Variants in ZYG11B observed in about 807,000 individuals in gnomAD.
The protein encoded by ZYG11B is protein zyg-11 homolog B.
Under a neutral mutation model 82.4 loss-of-function variants are expected in ZYG11B, and 36 were observed. The ratio of observed to expected loss-of-function variants is 0.44; its 90% confidence interval spans 0.33 to 0.58. The LOEUF (loss-of-function observed/expected upper bound fraction) is 0.58, where lower values mean the gene tolerates loss of function less well. ZYG11B is among the 20% of genes least tolerant of loss of function. The pLI, the probability that ZYG11B is intolerant of heterozygous loss-of-function variation, is 0.02. For missense variants in ZYG11B, 552 were observed against 895.6 expected (o/e 0.62, Z 4.90); for synonymous variants, 303 against 312.8 (o/e 0.97, Z 0.33).
intron 1 of ZYG11B, among the ~76,000 whole-genome samples, chr1:52,752,855 T>TC (rs1411627623): frequency 6.6e-6 from 1 of 151,682 alleles, no homozygotes; most frequent in Non-Finnish European, 1.5e-5. Context: ...ATTTTTTTTT[T>TC]CTTGGGGTGG....
chr1:52,764,731 AAG>A (rs1174818542), intron 2 of ZYG11B, among the ~76,000 whole-genome samples: 1 of 152,142 alleles, frequency 6.6e-6, no homozygotes, highest in African/African-American at 2.4e-5. Flanking sequence ...CTGAGGGAAA[AAG>A]AACACTGTTC....
chr1:52,727,686 A>G (rs1412749017), intron 1 of ZYG11B, among the ~76,000 whole-genome samples: 1 of 152,174 alleles, frequency 6.6e-6, no homozygotes, highest in Non-Finnish European at 1.5e-5. Context: ...AACCTTCTAA[A>G]GAGTTCATTT....
intron 6 of ZYG11B, among the ~76,000 whole-genome samples, chr1:52,791,432 GA>G (rs1235943312): frequency 6.6e-6 from 1 of 151,350 alleles, no homozygotes; most frequent in Non-Finnish European, 1.5e-5. Flanking sequence ...GCAATGGCGT[GA>G]TCTCGGCTCA....
intron 2 of ZYG11B, among the ~76,000 whole-genome samples, chr1:52,766,776 A>T (rs1407492928): frequency 6.6e-6 from 1 of 152,184 alleles, no homozygotes; most frequent in African/African-American, 2.4e-5. Context: ...TGGGAGGCCG[A>T]GGCGGGCGGA....
At chr1:52,757,260 A>G (rs879375654) in intron 2 of ZYG11B, among the ~76,000 whole-genome samples, 3 of 151,720 alleles carry the variant, frequency 2.0e-5, no homozygotes, top group Non-Finnish European at 4.4e-5. Context: ...CAATCTTCCA[A>G]CCTTGGCCTC....
At chr1:52,737,627 G>A (rs894426941) in intron 1 of ZYG11B, among the ~76,000 whole-genome samples, 4 of 152,142 alleles carry the variant, frequency 2.6e-5, no homozygotes, top group Admixed American at 1.3e-4. Context: ...TCAGCTGTGC[G>A]TGGTGGCATG....
chr1:52,808,498 C>T (rs1645159528), intron 10 of ZYG11B, among the ~76,000 whole-genome samples: 1 of 152,120 alleles, frequency 6.6e-6, no homozygotes, highest in African/African-American at 2.4e-5. Flanking sequence ...CTATAGTTTT[C>T]ATCAAGTTTG....
intron 1 of ZYG11B, among the ~76,000 whole-genome samples, chr1:52,732,868 G>A (rs1030350091): frequency 6.6e-6 from 1 of 152,080 alleles, no homozygotes; most frequent in Admixed American, 6.6e-5. Flanking sequence ...CAGCTACTCC[G>A]GAGGCTGAGG....
At chr1:52,795,661 A>C (rs955551912) in intron 6 of ZYG11B, among the ~76,000 whole-genome samples, 5 of 152,074 alleles carry the variant, frequency 3.3e-5, no homozygotes, top group African/African-American at 1.2e-4. Flanking sequence ...CAAAAGTTTC[A>C]ATGAGGCCTT....
chr1:52,793,232 G>A (rs1040779420), intron 6 of ZYG11B, among the ~76,000 whole-genome samples: 2 of 152,186 alleles, frequency 1.3e-5, no homozygotes, highest in Middle Eastern at 3.4e-3. Context: ...TAGGCCAGGC[G>A]CAGTGGCTCA....
intron 1 of ZYG11B, among the ~76,000 whole-genome samples, chr1:52,749,802 C>G (rs1384591894): frequency 4.6e-5 from 7 of 152,190 alleles, no homozygotes; most frequent in Non-Finnish European, 1.0e-4. Context: ...ATCCGCCTGC[C>G]TCAGCCTCCC....
intron 6 of ZYG11B, among the ~76,000 whole-genome samples, chr1:52,794,683 A>G (rs898721433): frequency 6.6e-6 from 1 of 152,118 alleles, no homozygotes; most frequent in African/African-American, 2.4e-5. Context: ...AACCACCTCA[A>G]AGGCAGTGAT....
chr1:52,726,467 G>A lies in ZYG11B; in HGVS notation c.-187G>A, dbSNP rs1571732429. ...CTCGCGGGGGCGGAGTCTGCGCTCT[G>A]GTTCGGGCTGCGGCTGCGGCTGCGG... On this transcript the variant is annotated 5_prime_UTR_variant, in exon 1 of 14. Coordinates refer to ENST00000294353, the MANE Select transcript of ZYG11B (RefSeq NM_024646.3). 1.8e-5 allele frequency: 9 copies of A among 511,592 alleles called. No individual in the cohort carries two copies. The East Asian group carries it at 3.0e-4, about 17-fold the overall frequency. 31.7% of individuals were successfully genotyped at this position (511,592 alleles called of 1,614,324 possible).
intron 1 of ZYG11B, among the ~76,000 whole-genome samples, chr1:52,750,383 C>A (rs1644510936): frequency 6.6e-6 from 1 of 152,038 alleles, no homozygotes; most frequent in Admixed American, 6.6e-5. Flanking sequence ...AGTGATTCTC[C>A]TGCCTCAGCC....
chr1:52,813,726 A>G lies in ZYG11B; in HGVS notation c.1886A>G (p.Asp629Gly), dbSNP rs1406587039. 1.2e-6 allele frequency: 2 copies of G among 1,614,028 alleles called. No homozygotes were observed. Among genetic ancestry groups the G allele is most frequent in the African/African-American group, 1.3e-5 (1 of 74,936 alleles). ...LSRSQRNSLL[D>G]DLHSAILKWP... ...CGTAGCCAGAGGAATTCTCTGCTGG[A>G]TGATTTGGTAGGGTCATTCCATACC... is the stretch of plus-strand genomic sequence containing the variant. Residue 629 changes from aspartate to glycine, a missense_variant, in exon 11 of 14, where the codon GAT (aspartate) becomes GGT (glycine). Physicochemically the swap from Asp to Gly is moderately conservative, Grantham distance 94. Around this residue, in one of 3 missense-constraint regions of ZYG11B, gnomAD observed 127 missense variants for 163.4 expected, o/e 0.78. Transcript: ENST00000294353.
At chr1:52,798,007 C>T (rs1269489111) in intron 8 of ZYG11B, among the ~76,000 whole-genome samples, 3 of 151,798 alleles carry the variant, frequency 2.0e-5, no homozygotes, top group Non-Finnish European at 4.4e-5. Context: ...CCCGTGGTTC[C>T]AACTACTCAA....
intron 13 of ZYG11B, among the ~76,000 whole-genome samples, chr1:52,817,797 A>ATATATG (rs1645243470): frequency 1.0e-4 from 5 of 49,990 alleles, no homozygotes; most frequent in African/African-American, 2.8e-4. Flanking sequence ...ATATATATAT[A>ATATATG]TATATATATA....
chr1:52,742,600 TCGGAGGCGGAGG>T (rs1644439915), intron 1 of ZYG11B, among the ~76,000 whole-genome samples: 1 of 152,150 alleles, frequency 6.6e-6, no homozygotes. Flanking sequence ...CCCAGCACTT[TCGGAGGCGGAGG>T]CGGGCGGATC....
At chr1:52,755,399 T>C (rs769464144) in intron 1 of ZYG11B, among the ~76,000 whole-genome samples, 1 of 152,212 alleles carries the variant, frequency 6.6e-6, no homozygotes, top group Non-Finnish European at 1.5e-5. Context: ...ACAGTTTTGA[T>C]TACTTTAGTA....
Sources: gnomAD v4.1 joint callset for allele counts (sites outside exome capture counted in the v4.1 genomes callset) on GRCh38, gnomAD v4.1.1 for gene constraint, gnomAD v4.1.1 regional missense constraint, MANE v1.5 for transcripts, NCBI Gene and HGNC (gene_info 2026-07-23, HGNC 2026-07-21) for gene names.